The following GTF2A1L variants were observed in gnomAD, a reference collection of about 807,000 sequenced individuals.
GTF2A1L encodes the protein TFIIA-alpha and beta-like factor.
In GTF2A1L, 48 loss-of-function variants were observed where a neutral mutation model predicts 49.7. The observed-to-expected ratio is 0.97, with a 90% CI of 0.77 to 1.23. The LOEUF is 1.23. Among genes scored for constraint, GTF2A1L ranks in the 50% most tolerant of loss-of-function variants. The probability of loss-of-function intolerance (pLI) is 0.00; values close to 1 mark genes in which losing one functional copy is unlikely to be tolerated. For missense variants in GTF2A1L, 736 were observed against 564.8 expected, an observed-to-expected ratio of 1.30 and a Z score of -3.07; for synonymous variants, 246 against 193.5, an observed-to-expected ratio of 1.27 and a Z score of -2.25.
At chr2:48,651,905 T>C (rs1453687138) in intron 6 of GTF2A1L, among the ~76,000 whole-genome samples, 1 of 152,182 alleles carries the variant, frequency 6.6e-6, no homozygotes, top group Non-Finnish European at 1.5e-5. Context: ...TTTGGCTATA[T>C]GAAAGACTTA....
chr2:48,655,279 A>C (rs1217928761), intron 6 of GTF2A1L, among the ~76,000 whole-genome samples: 1 of 152,102 alleles, frequency 6.6e-6, no homozygotes, highest in African/African-American at 2.4e-5. Flanking sequence ...AACTGCCATC[A>C]AGAACATTTT....
chr2:48,639,600 G>GA (rs1306596176), intron 3 of GTF2A1L, among the ~76,000 whole-genome samples: 1 of 152,008 alleles, frequency 6.6e-6, no homozygotes, highest in Non-Finnish European at 1.5e-5. Flanking sequence ...AAAAACCCTA[G>GA]AAAACAACCT....
chr2:48,647,096 C>T (rs1677563509), intron 6 of GTF2A1L, 54 bp downstream of exon 6: 2 of 1,357,768 alleles, frequency 1.5e-6, no homozygotes, highest in East Asian at 4.9e-5. Flanking sequence ...TGGCCAGTAA[C>T]TGGATATCCT....
At chr2:48,660,868 T>C (rs1347427642) in intron 6 of GTF2A1L, among the ~76,000 whole-genome samples, 1 of 152,152 alleles carries the variant, frequency 6.6e-6, no homozygotes, top group African/African-American at 2.4e-5. Flanking sequence ...CTCTAACTCC[T>C]GGCCTCAAGT....
intron 8 of GTF2A1L, 143 bp downstream of exon 8, chr2:48,671,823 AT>A (rs1679185507): frequency 1.3e-6 from 1 of 775,906 alleles, no homozygotes; most frequent in African/African-American, 1.8e-5. Context: ...CTGAGTGTGT[AT>A]TTTGGGTCTA....
At chr2:48,642,599 A>G in intron 4 of GTF2A1L, 142 bp downstream of exon 4, 1 of 670,674 alleles carries the variant, frequency 1.5e-6, no homozygotes. Flanking sequence ...TCACGCCTGT[A>G]ATTCCAGCAC....
chr2:48,622,951 C>G (rs975233281), intron 3 of GTF2A1L, among the ~76,000 whole-genome samples: 1 of 148,504 alleles, frequency 6.7e-6, no homozygotes, highest in Non-Finnish European at 1.5e-5. Context: ...AAAAGTCTTG[C>G]AACTAGTGTA....
chr2:48,662,184 T>G (rs2104275573), intron 6 of GTF2A1L, among the ~76,000 whole-genome samples: 1 of 152,356 alleles, frequency 6.6e-6, no homozygotes, highest in South Asian at 2.1e-4. Flanking sequence ...TCCCCTACTT[T>G]GTCTTATTGT....
At position 48,617,880 on chromosome 2, in the gene GTF2A1L, C is replaced by A. The variant is rs1430189449; in HGVS notation, c.6C>A (p.Ala2=). The change falls in exon 1 of 9, where the codon GCC becomes GCA. Residue 2 remains alanine, a synonymous_variant. Coordinates refer to ENST00000403751, the MANE Select transcript of GTF2A1L (RefSeq NM_006872.5). ...CAGGTGCTGGAGGTGCTGTCATGGC[C>A]TGCCTCAACCCGGTGGTAAGGAAGA... M[A]CLNPVPKLYR... The A allele has an allele frequency of 1.3e-5, 20 of 1,551,860 alleles. No homozygotes were observed. Among genetic ancestry groups the A allele is most frequent in the Non-Finnish European group, 1.7e-5 (20 of 1,147,048 alleles).
intron 3 of GTF2A1L, among the ~76,000 whole-genome samples, chr2:48,629,420 G>C (rs905865931): frequency 2.1e-5 from 3 of 144,096 alleles, no homozygotes; most frequent in African/African-American, 4.9e-5. Flanking sequence ...TGTTCTGTTG[G>C]CTTTCTTGGG....
Position 48,646,714 on chromosome 2 carries a change from T to C in GTF2A1L, c.650T>C (p.Ile217Thr), listed in dbSNP as rs1318278742. 2.5e-6 allele frequency: 4 copies of C among 1,614,084 alleles called. No homozygotes were observed. The African/African-American group carries it at 4.0e-5, about 16-fold the overall frequency. The change falls in exon 6 of 9, where the codon ATA becomes ACA. Residue 217 changes from isoleucine (I) to threonine (T), a missense_variant. Transcript: ENST00000403751. ...CACTTAGAAAATGCCACCAGTGATA[T>C]ACTTGTATCTCCTGGAAATGAGCAT... ...RKHLENATSD[I>T]LVSPGNEHKI... is the part of the protein sequence containing the mutation.
At chr2:48,649,984 T>G (rs1340966475) in intron 6 of GTF2A1L, among the ~76,000 whole-genome samples, 1 of 152,190 alleles carries the variant, frequency 6.6e-6, no homozygotes, top group African/African-American at 2.4e-5. Flanking sequence ...CCCACCATCC[T>G]TTCCTCTGGT....
intron 1 of GTF2A1L, among the ~76,000 whole-genome samples, chr2:48,619,183 T>C (rs1416570940): frequency 6.6e-6 from 1 of 152,164 alleles, no homozygotes; most frequent in East Asian, 1.9e-4. Flanking sequence ...TAAATACTCT[T>C]AGGGGCTGGG....
intron 6 of GTF2A1L, among the ~76,000 whole-genome samples, chr2:48,665,623 A>G (rs34205206): frequency 0.18 from 26,622 of 151,634 alleles, 2,742 homozygotes; most frequent in South Asian, 0.24. Flanking sequence ...TATTTGGGGG[A>G]TTTTCCAGAT....
chr2:48,658,527 A>G (rs888784757), intron 6 of GTF2A1L, among the ~76,000 whole-genome samples: 1 of 152,160 alleles, frequency 6.6e-6, no homozygotes, highest in African/African-American at 2.4e-5. Context: ...GGTTGAAGTT[A>G]GGTAATGTGA....
intron 8 of GTF2A1L, among the ~76,000 whole-genome samples, chr2:48,676,977 C>G (rs1679502163): frequency 6.6e-6 from 1 of 150,640 alleles, no homozygotes; most frequent in Non-Finnish European, 1.5e-5. Context: ...TTTAAGAAAT[C>G]TATTTCGTCC....
At chr2:48,647,460 T>C (rs1201617957) in intron 6 of GTF2A1L, among the ~76,000 whole-genome samples, 6 of 152,196 alleles carry the variant, frequency 3.9e-5, no homozygotes, top group African/African-American at 7.2e-5. Context: ...CAGTCTCTTA[T>C]ACTGGGAAAC....
At chr2:48,664,004 T>C (rs1214067355) in intron 6 of GTF2A1L, among the ~76,000 whole-genome samples, 1 of 152,228 alleles carries the variant, frequency 6.6e-6, no homozygotes, top group Non-Finnish European at 1.5e-5. Context: ...TAATATCCTG[T>C]GACCTCGTTA....
rs754767526 is a variant in GTF2A1L, at chr2:48,647,029, C to T, written c.965C>T (p.Pro322Leu). The change falls in exon 6 of 9, where the codon CCT becomes CTT. Residue 322 changes from proline (P) to leucine (L), a missense_variant. Transcript: ENST00000403751. ...PRNIEEPSNI[P>L]VSEKDSNSQV... ...AATATAGAGGAACCCAGCAACATAC[C>T]TGTATCAGAGAAGGTATAGTTCTGT... is the stretch of plus-strand genomic sequence containing the variant. The T allele has an allele frequency of 5.0e-6, 8 of 1,606,898 alleles. No individual in the cohort carries two copies. Among genetic ancestry groups the T allele is most frequent in the Non-Finnish European group, 6.8e-6 (8 of 1,176,840 alleles).
Sources: allele counts gnomAD v4.1 joint callset (sites outside exome capture counted in the v4.1 genomes callset), GRCh38; gene constraint gnomAD v4.1.1; transcripts MANE v1.5; gene names NCBI Gene and HGNC (gene_info 2026-07-23, HGNC 2026-07-21).